Variants in TNXB observed in about 807,000 individuals in gnomAD.
TNXB encodes tenascin XB, also known as tenascin-X.
A neutral mutation model predicts 340.5 loss-of-function variants in TNXB; 183 were observed. That is an observed-to-expected ratio of 0.54 (90% CI 0.48 to 0.61). TNXB has a LOEUF of 0.61. TNXB is among the 20% of genes least tolerant of loss of function. TNXB has a pLI of 0.00. For missense variants in TNXB, 4,613 were observed against 5,446.4 expected (o/e 0.85, Z 4.82); for synonymous variants, 2,121 against 2,314.5 (o/e 0.92, Z 2.40).
rs777789604 is a variant in TNXB, at chr6:32,046,288, T to A, written c.10493A>T (p.Asp3498Val). 6.2e-7 allele frequency: 1 copy of A among 1,606,710 alleles called. No individual in the cohort carries two copies. Among genetic ancestry groups the A allele is most frequent in the Non-Finnish European group, 8.5e-7 (1 of 1,178,188 alleles). ...GQPRAVPVAA[D>V]QRTVTVEDLE... ...GTCCTCTACGGTGACTGTGCGCTGG[T>A]CTGCGGCCACAGGCACTGCCCTGGG... Residue 3498 changes from aspartate to valine, a missense_variant, in exon 31 of 44, where the codon GAC becomes GTC. By Grantham distance (152) the Asp-to-Val change is radical. Transcript: ENST00000644971. This position sits in a 1 kb window ranked among gnomAD's most constrained non-coding sequence, Gnocchi z 6.9.
At chr6:32,063,012 GC>G (rs1366586027) in intron 19 of TNXB, among the ~76,000 whole-genome samples, 1 of 151,836 alleles carries the variant, frequency 6.6e-6, no homozygotes, top group Non-Finnish European at 1.5e-5. Context: ...CCAAGATCAC[GC>G]CACTGCACTC....
intron 1 of TNXB, among the ~76,000 whole-genome samples, chr6:32,099,147 C>G (rs1053179591): frequency 1.3e-5 from 2 of 152,092 alleles, no homozygotes; most frequent in African/African-American, 4.8e-5. Context: ...GGATGAGTAC[C>G]TAGGGCCAAT....
In TNXB at chr6:32,090,731, G is replaced by A. The variant is rs1562867303; in HGVS notation, c.2359-1352C>T. ...TTTTCCTGGGCACATAGGACCTCCA[G>A]CCCTCTCCTATTCACCCTGCCTTAG... is the stretch of plus-strand genomic sequence containing the variant. On this transcript the variant is annotated intron_variant, in intron 4 of 43. Transcript: ENST00000644971. This position sits in a 1 kb window ranked among gnomAD's most constrained non-coding sequence, Gnocchi z 4.3. 6.6e-6 allele frequency among the ~76,000 whole-genome samples: 1 copy of A among 152,144 alleles called. No homozygotes were observed. Among genetic ancestry groups the A allele is most frequent in the Non-Finnish European group, 1.5e-5 (1 of 68,014 alleles).
At position 32,068,022 on chromosome 6, in the gene TNXB, G is replaced by A; in HGVS notation, c.6221-38C>T. 2 of 1,594,492 alleles carry A rather than the reference G, an allele frequency of 1.3e-6. No homozygotes were observed. The highest frequency in any genetic ancestry group is 1.7e-6 in the Non-Finnish European group (2 of 1,168,782). ...AAGAGAGAGTGAGGGGGATGTCCTT[G>A]GGTACTGGGGAAAAGGAGGGAGAAG... On this transcript the variant is annotated intron_variant, in intron 17 of 43. Coordinates refer to ENST00000644971, the MANE Select transcript of TNXB (RefSeq NM_001365276.2). The surrounding 1 kb of genome is among the most constrained non-coding windows in gnomAD (Gnocchi z 5.3).
At position 32,082,450 on chromosome 6, in the gene TNXB, G is replaced by A. The variant is rs1004139379; in HGVS notation, c.3446-124C>T. 5 of 1,021,524 alleles carry A rather than the reference G, an allele frequency of 4.9e-6. No homozygotes were observed. Among genetic ancestry groups the A allele is most frequent in the African/African-American group, 1.6e-5 (1 of 62,644 alleles). The allele number at this position is 1,021,524 out of a possible 1,614,324, so 63.3% of individuals were successfully genotyped here. On this transcript the variant is annotated intron_variant, in intron 8 of 43. Coordinates refer to ENST00000644971, the MANE Select transcript of TNXB (RefSeq NM_001365276.2). This position sits in a 1 kb window ranked among gnomAD's most constrained non-coding sequence, Gnocchi z 5.0. ...TTCACTGCACAAAAGTGCATTTGCTGAGGGAGTACAGAGGGACTGAAATCC... is the reference window on the plus strand; with the variant it reads ...TTCACTGCACAAAAGTGCATTTGCTAAGGGAGTACAGAGGGACTGAAATCC...
At chr6:32,045,997 C>T in intron 31 of TNXB, 178 bp downstream of exon 31, 1 of 1,363,834 alleles carries the variant, frequency 7.3e-7, no homozygotes, top group Admixed American at 2.9e-5. Context: ...GGCTCCTGCT[C>T]TGGACTCCTT....
intron 1 of TNXB, among the ~76,000 whole-genome samples, chr6:32,103,147 G>A (rs900504569): frequency 2.0e-5 from 3 of 152,138 alleles, no homozygotes; most frequent in African/African-American, 7.2e-5. Context: ...ATGGCTGGGT[G>A]TGGTGGCTCA....
At position 32,087,938 on chromosome 6, in the gene TNXB, A is replaced by T; in HGVS notation, c.2779+847T>A. The T allele has an allele frequency of 5.3e-6, 1 of 189,996 alleles. No homozygotes were observed. The highest frequency in any genetic ancestry group is 5.3e-5 in the South Asian group (1 of 18,890). The allele number at this position is 189,996 out of a possible 1,614,324, so 11.8% of individuals were successfully genotyped here. ...GGGGCTGGGGCTGGCCGGGGCCGGGACTTGGGGGGCGGGGCTGGGGGGCGC... is the reference window on the plus strand; with the variant it reads ...GGGGCTGGGGCTGGCCGGGGCCGGGTCTTGGGGGGCGGGGCTGGGGGGCGC... On this transcript the variant is annotated intron_variant, in intron 6 of 43. Transcript: ENST00000644971. This position sits in a 1 kb window ranked among gnomAD's most constrained non-coding sequence, Gnocchi z 9.0.
At position 32,049,955 on chromosome 6, in the gene TNXB, C is replaced by A. The variant is rs1410738536; in HGVS notation, c.9439+43G>T. Reference sequence around the variant, plus strand: ...GTCATCACCAAAGAGCAAGAGGTGGCCCTCCCACAGCTCCCACCCTGGGGC... The same window carrying A: ...GTCATCACCAAAGAGCAAGAGGTGGACCTCCCACAGCTCCCACCCTGGGGC... On this transcript the variant is annotated intron_variant, in intron 27 of 43. Transcript: ENST00000644971. This position sits in a 1 kb window ranked among gnomAD's most constrained non-coding sequence, Gnocchi z 4.5. 3 of 1,610,430 alleles carry A rather than the reference C, an allele frequency of 1.9e-6. No homozygotes were observed. Among genetic ancestry groups the A allele is most frequent in the East Asian group, 2.2e-5 (1 of 44,814 alleles).
rs1778427275 is a variant in TNXB, at chr6:32,067,219, G to A, written c.6544+442C>T. The stretch of plus-strand genomic sequence containing the variant: ...AGTGATTCTAGTGGAGGAAGTGGGT[G>A]GGGCAGAGATGAGCCAGACTGGCCA... On this transcript the variant is annotated intron_variant, in intron 18 of 43. Coordinates refer to ENST00000644971, the MANE Select transcript of TNXB (RefSeq NM_001365276.2). The surrounding 1 kb of genome is among the most constrained non-coding windows in gnomAD (Gnocchi z 4.2). Among the ~76,000 whole-genome samples, 1 of 151,712 alleles carries A rather than the reference G, an allele frequency of 6.6e-6. No homozygotes were observed. The highest frequency in any genetic ancestry group is 2.4e-5 in the African/African-American group (1 of 41,344).
rs769747859 is a variant in TNXB, at chr6:32,056,638, G to A, written c.8091C>T (p.Tyr2697=). The A allele has an allele frequency of 9.3e-6, 15 of 1,612,988 alleles. No homozygotes were observed. The highest frequency in any genetic ancestry group is 4.0e-5 in the African/African-American group (3 of 74,934). ...EPDHKYKMNL[Y]GFHGGQRVGP... ...CCACGCGCTGGCCACCGTGGAAGCC[G>A]TACAGGTTCATCTTGTATTTATGGT... The change falls in exon 23 of 44, where the codon TAC becomes TAT. Residue 2697 remains tyrosine (Y), a synonymous_variant. Transcript: ENST00000644971.
chr6:32,096,717 C>T lies in TNXB; in HGVS notation c.1136G>A (p.Gly379Asp). Reference protein sequence around the residue: ...STRTCPRDCRGRGRCEDGECI... With the variant: ...STRTCPRDCRDRGRCEDGECI... ...TTCGCCGTCCTCGCAGCGCCCGCGG[C>T]CCCGGCAGTCCCTCGGACATGTCCG... is the stretch of plus-strand genomic sequence containing the variant. Residue 379 changes from glycine to aspartate, a missense_variant, in exon 3 of 44, where the codon GGC (glycine) becomes GAC (aspartate). Transcript: ENST00000644971. 1 of 1,550,268 alleles carries T rather than the reference C, an allele frequency of 6.5e-7. No individual in the cohort carries two copies.
Position 32,049,397 on chromosome 6 carries a change from C to T in TNXB, c.9630G>A (p.Val3210=). ...YKDRDGQPQV[V]RVRGEESEVT... ...CCTCGCTCTCCTCGCCCCTGACACG[C>T]ACCACCTGGGGCTGCCCGTCCCTGT... The change falls in exon 28 of 44, where the codon GTG becomes GTA. Residue 3210 remains valine (V), a synonymous_variant. Transcript: ENST00000644971. This position sits in a 1 kb window ranked among gnomAD's most constrained non-coding sequence, Gnocchi z 4.5. The T allele has an allele frequency of 6.2e-7, 1 of 1,612,686 alleles. No individual in the cohort carries two copies. Among genetic ancestry groups the T allele is most frequent in the Non-Finnish European group, 8.5e-7 (1 of 1,179,888 alleles).
Position 32,085,865 on chromosome 6 carries a change from G to A in TNXB, c.3033C>T (p.Asp1011=), listed in dbSNP as rs756743577. The part of the protein sequence containing the change: ...PGAHEEVLPG[D]VRQALVPPPP... ...GTGGAGGCACCAGAGCCTGGCGGACGTCCCCTGGCAGCACTTCCTCATGTG... is the reference window on the plus strand; with the variant it reads ...GTGGAGGCACCAGAGCCTGGCGGACATCCCCTGGCAGCACTTCCTCATGTG... The change falls in exon 7 of 44, where the codon GAC becomes GAT. Residue 1011 remains aspartate (D), a synonymous_variant. Transcript: ENST00000644971. This position sits in a 1 kb window ranked among gnomAD's most constrained non-coding sequence, Gnocchi z 6.4. 1.7e-5 allele frequency: 28 copies of A among 1,608,596 alleles called. No homozygotes were observed. Among genetic ancestry groups the A allele is most frequent in the South Asian group, 1.1e-4 (10 of 90,180 alleles).
intron 4 of TNXB, among the ~76,000 whole-genome samples, chr6:32,094,691 G>A (rs188368471): frequency 1.4e-4 from 22 of 152,348 alleles, no homozygotes; most frequent in Admixed American, 1.3e-3. Flanking sequence ...GGCCTGTGGT[G>A]TAGGACACAG....
intron 11 of TNXB, among the ~76,000 whole-genome samples, chr6:32,076,803 G>A (rs1779103509): frequency 6.6e-6 from 1 of 152,026 alleles, no homozygotes; most frequent in Non-Finnish European, 1.5e-5. Flanking sequence ...CTAACATGGT[G>A]AAACCCTGTC....
Position 32,042,447 on chromosome 6 carries a change from C to A in TNXB, c.12210+8G>T. Reference sequence around the variant, plus strand: ...GCACAGACCCCTGGGCTTCCCAATGCCACCCACCAGCCAGCCGCCCCCATC... The same window carrying A: ...GCACAGACCCCTGGGCTTCCCAATGACACCCACCAGCCAGCCGCCCCCATC... On this transcript the variant is annotated splice_region_variant and intron_variant, in intron 40 of 43. Transcript: ENST00000644971. 1 of 1,611,578 alleles carries A rather than the reference C, an allele frequency of 6.2e-7. No homozygotes were observed. Among genetic ancestry groups the A allele is most frequent in the Non-Finnish European group, 8.5e-7 (1 of 1,179,700 alleles).
Position 32,097,793 on chromosome 6 carries a change from C to G in TNXB, c.403+3G>C. 1.3e-6 allele frequency: 2 copies of G among 1,501,038 alleles called. No individual in the cohort carries two copies. The highest frequency in any genetic ancestry group is 1.8e-6 in the Non-Finnish European group (2 of 1,124,108). 93.0% of individuals were successfully genotyped at this position (1,501,038 alleles called of 1,614,324 possible). ...CCACCCTCTTCTGTGATCACCTGCT[C>G]ACCTGTGCCAGCTTGGGCAGAGGCA... is the stretch of plus-strand genomic sequence containing the variant. On this transcript the variant is annotated splice_donor_region_variant and intron_variant, in intron 2 of 43. Coordinates refer to ENST00000644971, the MANE Select transcript of TNXB (RefSeq NM_001365276.2). This position sits in a 1 kb window ranked among gnomAD's most constrained non-coding sequence, Gnocchi z 5.9.
chr6:32,058,465 G>A lies in TNXB; in HGVS notation c.7493-75C>T, dbSNP rs1446581080. The A allele has an allele frequency of 1.6e-5, 21 of 1,288,516 alleles. 1 individual carries two copies. The East Asian group carries it at 5.0e-4, about 31-fold the overall frequency. The allele number at this position is 1,288,516 out of a possible 1,614,324, so 79.8% of individuals were successfully genotyped here. On this transcript the variant is annotated intron_variant, in intron 21 of 43. Coordinates refer to ENST00000644971, the MANE Select transcript of TNXB (RefSeq NM_001365276.2). This position sits in a 1 kb window ranked among gnomAD's most constrained non-coding sequence, Gnocchi z 5.1. Reference sequence around the variant, plus strand: ...TGCTTTGCTGGTGCTGTCAACAGAGGTCATACATCAAATGTGCCCCTCCAG... The same window carrying A: ...TGCTTTGCTGGTGCTGTCAACAGAGATCATACATCAAATGTGCCCCTCCAG...
Sources: gnomAD v4.1 joint callset for allele counts (sites outside exome capture counted in the v4.1 genomes callset) on GRCh38, gnomAD v4.1.1 for gene constraint, Gnocchi (gnomAD v3.1) non-coding constraint, MANE v1.5 for transcripts, NCBI Gene and HGNC (gene_info 2026-07-23, HGNC 2026-07-21) for gene names.